Variants in DCC observed in about 807,000 individuals in gnomAD.
DCC encodes DCC netrin 1 receptor, also known as netrin receptor DCC.
DCC carries 58 observed loss-of-function variants against 172.5 expected under a neutral mutation model. The ratio of observed to expected loss-of-function variants is 0.34; its 90% CI spans 0.27 to 0.42. DCC has a LOEUF of 0.42. Ranked by LOEUF, DCC falls within the 10% of genes least tolerant of loss-of-function variation. The pLI, the probability that DCC is intolerant of heterozygous loss-of-function variation, is 1.00. For missense variants in DCC, 1,740 were observed against 1,791.0 expected, an observed-to-expected ratio of 0.97 and a Z score of 0.51; for synonymous variants, 709 against 644.5, an observed-to-expected ratio of 1.10 and a Z score of -1.52.
At position 53,378,011 on chromosome 18, in the gene DCC, G is replaced by T. The variant is rs560845907; in HGVS notation, c.2360-8032G>T. ...AAGACGGGGTCTGGCTCTGTTGCTG[G>T]AGTGCAGTGGCGCAATCTCAGCTCA... On this transcript the variant is annotated intron_variant, in intron 15 of 28. Transcript: ENST00000442544. Among the ~76,000 whole-genome samples, 9 of 152,106 alleles carry T rather than the reference G, an allele frequency of 5.9e-5. No individual in the cohort carries two copies. The South Asian group carries it at 1.7e-3, about 28-fold the overall frequency.
At chr18:53,321,355 T>C (rs2057409593) in intron 13 of DCC, among the ~76,000 whole-genome samples, 1 of 152,170 alleles carries the variant, frequency 6.6e-6, no homozygotes, top group Non-Finnish European at 1.5e-5. Context: ...CTTTCAGCTT[T>C]TTGTAAGAGG....
At chr18:53,138,416 CA>C (rs1482484125) in intron 7 of DCC, among the ~76,000 whole-genome samples, 3 of 152,094 alleles carry the variant, frequency 2.0e-5, no homozygotes, top group Non-Finnish European at 4.4e-5. Flanking sequence ...TTCATAAAGT[CA>C]AAAACATAAT....
At chr18:53,361,160 A>T (rs2057940657) in intron 15 of DCC, among the ~76,000 whole-genome samples, 1 of 152,112 alleles carries the variant, frequency 6.6e-6, no homozygotes, top group African/African-American at 2.4e-5. Context: ...AGTGACAAGG[A>T]ATTAGGATCC....
intron 8 of DCC, among the ~76,000 whole-genome samples, chr18:53,171,876 A>T (rs1214699984): frequency 6.6e-6 from 1 of 152,008 alleles, no homozygotes; most frequent in Non-Finnish European, 1.5e-5. Flanking sequence ...AAAATAATAA[A>T]CAATAGATGC....
chr18:52,969,129 C>T (rs963230099), intron 5 of DCC, among the ~76,000 whole-genome samples: 19 of 152,210 alleles, frequency 1.2e-4, no homozygotes, highest in African/African-American at 4.6e-4. Context: ...TGCCAACATG[C>T]TTTTCCTGGA....
chr18:52,585,811 C>T (rs55910827), intron 1 of DCC, among the ~76,000 whole-genome samples: 3,068 of 152,236 alleles, frequency 0.02, 111 homozygotes, highest in East Asian at 0.096. Context: ...CGGCCGGGCG[C>T]GGTGGCTCAC....
At chr18:52,551,433 T>C (rs1003297756) in intron 1 of DCC, among the ~76,000 whole-genome samples, 1 of 151,970 alleles carries the variant, frequency 6.6e-6, no homozygotes, top group Non-Finnish European at 1.5e-5. Context: ...CGCTCTACCA[T>C]AGCTTGTTAT....
At chr18:52,977,561 A>G (rs1007142421) in intron 5 of DCC, among the ~76,000 whole-genome samples, 12 of 152,102 alleles carry the variant, frequency 7.9e-5, no homozygotes, top group Admixed American at 2.6e-4. Context: ...GTATGTGTGT[A>G]TCCTAGGGGC....
At chr18:53,206,961 C>A (rs1347867164) in intron 10 of DCC, among the ~76,000 whole-genome samples, 1 of 152,046 alleles carries the variant, frequency 6.6e-6, no homozygotes, top group Non-Finnish European at 1.5e-5. Context: ...AGAGCTCCTC[C>A]TATGTAATCA....
intron 1 of DCC, among the ~76,000 whole-genome samples, chr18:52,659,267 G>A (rs545030864): frequency 2.0e-5 from 3 of 152,064 alleles, no homozygotes; most frequent in South Asian, 4.2e-4. Flanking sequence ...CTCTCATTTG[G>A]GGAGTAAATG....
intron 14 of DCC, among the ~76,000 whole-genome samples, chr18:53,331,943 T>G (rs936690574): frequency 1.2e-4 from 19 of 152,194 alleles, no homozygotes; most frequent in Non-Finnish European, 7.3e-5. Context: ...CCTTTTGAGT[T>G]ATAACCAATG....
chr18:52,534,171 A>T (rs2032227138), intron 1 of DCC, among the ~76,000 whole-genome samples: 1 of 152,100 alleles, frequency 6.6e-6, no homozygotes, highest in Non-Finnish European at 1.5e-5. Flanking sequence ...TTAGGATATT[A>T]TTTATGTCTA....
At chr18:52,421,645 T>C (rs1305443867) in intron 1 of DCC, among the ~76,000 whole-genome samples, 1 of 152,202 alleles carries the variant, frequency 6.6e-6, no homozygotes, top group Non-Finnish European at 1.5e-5. Context: ...ATCTTGGCAC[T>C]TGAGCCTTCA....
At chr18:53,268,433 T>C (rs1340931584) in intron 12 of DCC, among the ~76,000 whole-genome samples, 1 of 152,228 alleles carries the variant, frequency 6.6e-6, no homozygotes, top group East Asian at 1.9e-4. Context: ...ATTTGGCTTA[T>C]AGAATTAAAA....
At chr18:52,457,220 A>G (rs1988485508) in intron 1 of DCC, among the ~76,000 whole-genome samples, 1 of 152,214 alleles carries the variant, frequency 6.6e-6, no homozygotes, top group Admixed American at 6.5e-5. Flanking sequence ...GTGGAATTTA[A>G]TGCAATATGA....
intron 1 of DCC, among the ~76,000 whole-genome samples, chr18:52,404,012 C>A (rs1028626745): frequency 6.6e-6 from 1 of 151,956 alleles, no homozygotes; most frequent in African/African-American, 2.4e-5. Context: ...TCAGAATGGT[C>A]ATTTTCTGGA....
chr18:52,995,044 T>A (rs1471080553), intron 5 of DCC, among the ~76,000 whole-genome samples: 1 of 152,168 alleles, frequency 6.6e-6, no homozygotes, highest in Non-Finnish European at 1.5e-5. Flanking sequence ...CAAAGAGATG[T>A]TAAAGCAGTG....
chr18:52,786,316 G>T (rs919723450), intron 2 of DCC, among the ~76,000 whole-genome samples: 3 of 151,926 alleles, frequency 2.0e-5, no homozygotes, highest in African/African-American at 7.2e-5. Flanking sequence ...CAAGCTGCAG[G>T]AAATCACCAT....
At chr18:52,631,859 G>A (rs1453987562) in intron 1 of DCC, among the ~76,000 whole-genome samples, 1 of 152,158 alleles carries the variant, frequency 6.6e-6, no homozygotes, top group African/African-American at 2.4e-5. Flanking sequence ...TTCTTAAATT[G>A]TCCTAAATTA....
Sources: gnomAD v4.1 joint callset for allele counts (sites outside exome capture counted in the v4.1 genomes callset) on GRCh38, gnomAD v4.1.1 for gene constraint, MANE v1.5 for transcripts, NCBI Gene and HGNC (gene_info 2026-07-23, HGNC 2026-07-21) for gene names.